Variants in CFAP61 observed in about 807,000 individuals in gnomAD.
CFAP61 encodes the protein cilia and flagella associated protein 61.
CFAP61 carries 107 observed loss-of-function variants against 135.6 expected under a neutral mutation model. That is an observed-to-expected ratio of 0.79 (90% confidence interval 0.67 to 0.93). The LOEUF (loss-of-function observed/expected upper bound fraction) is 0.93. Among genes scored for constraint, CFAP61 ranks in the 40% least tolerant of loss-of-function variants. The probability of loss-of-function intolerance (pLI) is 0.00; values close to 1 mark genes in which losing one functional copy is unlikely to be tolerated. For synonymous variants in CFAP61, 575 were observed against 578.5 expected (o/e 0.99, Z 0.09); for missense variants, 1,507 against 1,556.2 (o/e 0.97, Z 0.53).
chr20:20,172,130 A>G (rs2054267876), intron 13 of CFAP61: 1 of 843,248 alleles, frequency 1.2e-6, no homozygotes, highest in Non-Finnish European at 1.5e-6. Context: ...AAAGAAGAGG[A>G]AAAAGGATAC....
At chr20:20,069,595 A>G in intron 2 of CFAP61, 3 of 330,490 alleles carry the variant, frequency 9.1e-6, no homozygotes, top group Middle Eastern at 9.5e-4. Context: ...AGTTTTAAAA[A>G]CACACGATGT....
chr20:20,123,973 T>TG (rs939734935), intron 8 of CFAP61, among the ~76,000 whole-genome samples: 2 of 115,244 alleles, frequency 1.7e-5, no homozygotes, highest in African/African-American at 7.1e-5. Context: ...ATTCCTAAGT[T>TG]TTTTTTTTTT....
At chr20:20,187,413 G>A (rs945020158) in intron 13 of CFAP61, among the ~76,000 whole-genome samples, 3 of 152,176 alleles carry the variant, frequency 2.0e-5, no homozygotes, top group Admixed American at 6.5e-5. Flanking sequence ...GGCCCCTGAC[G>A]TGCTCCATTG....
intron 26 of CFAP61, among the ~76,000 whole-genome samples, chr20:20,356,489 G>C (rs71331877): frequency 0.023 from 971 of 41,368 alleles, no homozygotes; most frequent in Admixed American, 0.031. Context: ...GGTGGTCACA[G>C]TGTGAGGGGA....
At chr20:20,075,053 G>T in intron 4 of CFAP61, 136 bp from the exon 5 acceptor site, 2 of 768,076 alleles carry the variant, frequency 2.6e-6, no homozygotes, top group Non-Finnish European at 4.5e-6. Context: ...TCTTGCCATT[G>T]CAGGTGGGGA....
At chr20:20,164,452 T>G (rs572575208) in intron 11 of CFAP61, among the ~76,000 whole-genome samples, 20 of 152,306 alleles carry the variant, frequency 1.3e-4, no homozygotes, top group African/African-American at 4.8e-4. Context: ...CCTACCTATG[T>G]AACAATTGGG....
intron 9 of CFAP61, among the ~76,000 whole-genome samples, chr20:20,156,870 A>C (rs2052953309): frequency 6.6e-6 from 1 of 152,186 alleles, no homozygotes. Context: ...ACATGGAGAG[A>C]TATTCTATGT....
chr20:20,146,589 A>G (rs908696519), intron 9 of CFAP61, among the ~76,000 whole-genome samples: 5 of 152,226 alleles, frequency 3.3e-5, no homozygotes, highest in Non-Finnish European at 7.3e-5. Flanking sequence ...ACTAGCTGTA[A>G]AAATTATATA....
chr20:20,285,783 G>A (rs1174164489), intron 22 of CFAP61, among the ~76,000 whole-genome samples: 1 of 151,922 alleles, frequency 6.6e-6, no homozygotes, highest in African/African-American at 2.4e-5. Context: ...AGCCGGGTAT[G>A]GTGGCAAGCA....
intron 2 of CFAP61, among the ~76,000 whole-genome samples, chr20:20,057,120 TAAAA>T (rs752860141): frequency 3.9e-5 from 4 of 102,120 alleles, no homozygotes; most frequent in African/African-American, 7.4e-5. Context: ...CTGTCTCAAT[TAAAA>T]AAAAAAAAAA....
intron 21 of CFAP61, among the ~76,000 whole-genome samples, chr20:20,269,475 G>C (rs573866857): frequency 9.9e-5 from 15 of 152,084 alleles, no homozygotes; most frequent in African/African-American, 3.6e-4. Context: ...AGGCTCAAGT[G>C]ATTCTCCTGC....
intron 9 of CFAP61, among the ~76,000 whole-genome samples, chr20:20,158,294 A>T (rs1186394142): frequency 6.6e-6 from 1 of 151,024 alleles, no homozygotes; most frequent in East Asian, 1.9e-4. Flanking sequence ...GTGGCCAAAT[A>T]CTGTTATTGT....
chr20:20,064,737 C>T lies in CFAP61; in HGVS notation c.144-6117C>T, dbSNP rs185388911. On this transcript the variant is annotated intron_variant, in intron 2 of 26. Coordinates refer to ENST00000245957, the MANE Select transcript of CFAP61 (RefSeq NM_015585.4). ...AAACCACGGAGAAGTGGGGGGACTACGGTATTTCCCAAGAGGTAGACCACA... is the reference window on the plus strand; with the variant it reads ...AAACCACGGAGAAGTGGGGGGACTATGGTATTTCCCAAGAGGTAGACCACA... Among the ~76,000 whole-genome samples, 74 of 152,226 alleles carry T rather than the reference C, an allele frequency of 4.9e-4. 1 individual carries two copies. The highest frequency in any genetic ancestry group is 1.7e-3 in the African/African-American group (72 of 41,522).
At chr20:20,063,308 T>C (rs2044958849) in intron 2 of CFAP61, among the ~76,000 whole-genome samples, 1 of 152,026 alleles carries the variant, frequency 6.6e-6, no homozygotes. Context: ...CAATCTCACA[T>C]AGAAAGAGAA....
rs549276305 is a variant in CFAP61 at position 20,093,411 on chromosome 20, A to G, written c.699+2435A>G. ...GGGTGTACAATTTTGTGAATATATT[A>G]AAAACCATTGAATTGTGTATTTCTT... is the stretch of plus-strand genomic sequence containing the variant. On this transcript the variant is annotated intron_variant, in intron 7 of 26. Coordinates refer to ENST00000245957, the MANE Select transcript of CFAP61 (RefSeq NM_015585.4). 4.9e-3 allele frequency among the ~76,000 whole-genome samples: 739 copies of G among 150,774 alleles called. 5 individuals carry two copies. The highest frequency in any genetic ancestry group is 7.4e-3 in the Non-Finnish European group (504 of 67,832).
At chr20:20,090,819 G>T in intron 6 of CFAP61, 25 bp from the exon 7 acceptor site, 1 of 1,611,980 alleles carries the variant, frequency 6.2e-7, no homozygotes, top group South Asian at 1.1e-5. Context: ...AACGAACACT[G>T]AACTTCAGCC....
chr20:20,221,889 T>C (rs1411803989), intron 17 of CFAP61: 1 of 152,214 alleles, frequency 6.6e-6, no homozygotes, highest in African/African-American at 2.4e-5. Flanking sequence ...CAAATCATGC[T>C]GTAATCTTTT....
chr20:20,248,696 C>G (rs1172509789), intron 19 of CFAP61, among the ~76,000 whole-genome samples: 3 of 152,174 alleles, frequency 2.0e-5, no homozygotes, highest in Non-Finnish European at 4.4e-5. Context: ...AAGGTTCTTT[C>G]CAGCTCGGAA....
At chr20:20,096,391 G>T (rs182802082) in intron 7 of CFAP61, among the ~76,000 whole-genome samples, 6 of 152,310 alleles carry the variant, frequency 3.9e-5, no homozygotes, top group African/African-American at 1.4e-4. Flanking sequence ...TTAAATCTTT[G>T]TTCCTAATGG....
Sources: gnomAD v4.1 joint callset for allele counts (sites outside exome capture counted in the v4.1 genomes callset) on GRCh38, gnomAD v4.1.1 for gene constraint, MANE v1.5 for transcripts, NCBI Gene and HGNC (gene_info 2026-07-23, HGNC 2026-07-21) for gene names.